Variants in TRIM10 observed in about 807,000 individuals in gnomAD.
TRIM10 encodes tripartite motif containing 10, also known as tripartite motif-containing protein 10.
Under a neutral mutation model 40.0 loss-of-function variants are expected in TRIM10, and 42 were observed. The observed-to-expected ratio is 1.05, with a 90% CI of 0.82 to 1.36. The LOEUF is 1.36. TRIM10 is among the 40% of genes most tolerant of loss of function. The pLI is 0.00. For missense variants in TRIM10, 601 were observed against 608.3 expected, an observed-to-expected ratio of 0.99 and a Z score of 0.13; for synonymous variants, 260 against 239.5, an observed-to-expected ratio of 1.09 and a Z score of -0.79.
rs111803166 is a variant in TRIM10 at position 30,158,448 on chromosome 6, A to G, written c.707T>C (p.Ile236Thr). Residue 236 changes from isoleucine to threonine, a missense_variant, in exon 3 of 7, where the codon ATT becomes ACT. By Grantham distance (89) the Ile-to-Thr change is moderately conservative. Transcript: ENST00000449742. ...CTCATTCTTCTCCTCCAGTTCTTCA[A>G]TAAGAGCACTAAACCGGCAGATCTC... ...AGEICRFSAL[I>T]EELEEKNERP... 19,686 of 1,613,064 alleles carry G rather than the reference A, an allele frequency of 0.012. 207 individuals carry two copies. The highest frequency in any genetic ancestry group is 0.03 in the Middle Eastern group (180 of 6,062).
upstream of TRIM10, chr6:30,163,575 CCTTGCAGCCGTT>C: frequency 2.3e-5 from 25 of 1,097,156 alleles, no homozygotes; most frequent in East Asian, 3.5e-5. Flanking sequence ...TGTCTCTTAG[CCTTGCAGCCGTT>C]TCCCTCTGCG....
At position 30,153,462 on chromosome 6, in the gene TRIM10, C is replaced by A. The variant is rs553833476; in HGVS notation, c.*507G>T. 7.2e-6 allele frequency: 4 copies of A among 556,466 alleles called. No individual in the cohort carries two copies. In the Admixed American group the frequency reaches 1.2e-4, roughly 17 times the overall value. 34.5% of individuals were successfully genotyped at this position (556,466 alleles called of 1,614,324 possible). ...CCCAAGAGCTCTTTCAGATATAGAG[C>A]AGGTTTTTTTTTTCTCTATATTTTC... On this transcript the variant is annotated 3_prime_UTR_variant, in exon 7 of 7. Coordinates refer to ENST00000449742, the MANE Select transcript of TRIM10 (RefSeq NM_006778.4).
At chr6:30,157,454 C>G in intron 3 of TRIM10, 63 bp from the exon 4 acceptor site, 1 of 1,460,392 alleles carries the variant, frequency 6.8e-7, no homozygotes, top group African/African-American at 1.4e-5. Flanking sequence ...TCTTTCCTTT[C>G]TTTTTCTACT....
chr6:30,160,643 G>A lies in TRIM10; in HGVS notation c.216C>T (p.Asn72=). 1 of 1,614,276 alleles carries A rather than the reference G, an allele frequency of 6.2e-7. No homozygotes were observed. Among genetic ancestry groups the A allele is most frequent in the Non-Finnish European group, 8.5e-7 (1 of 1,180,040 alleles). Reference sequence around the variant, plus strand: ...TCTCCACCACGTTAGCCAGCTGCCAGTTGGGCCGGAAGCTCCCAGGACGGA... The same window carrying A: ...TCTCCACCACGTTAGCCAGCTGCCAATTGGGCCGGAAGCTCCCAGGACGGA... The part of the protein sequence containing the change: ...EPFRPGSFRP[N]WQLANVVENI... The change falls in exon 1 of 7, where the codon AAC becomes AAT. Residue 72 remains asparagine, a synonymous_variant. Transcript: ENST00000449742.
chr6:30,163,818 A>C (rs1356467082), upstream of TRIM10: 2 of 1,613,034 alleles, frequency 1.2e-6, no homozygotes, highest in South Asian at 2.2e-5. Context: ...GCGCTCTCCC[A>C]GATGGGGGCC....
chr6:30,159,112 AGGAAGGGGAGGAACCTGG>A lies in TRIM10; in HGVS notation c.525+20_525+37del. On this transcript the variant is annotated intron_variant, in intron 2 of 6. Coordinates refer to ENST00000449742, the MANE Select transcript of TRIM10 (RefSeq NM_006778.4). ...AGTTTCAGGAAGACACTGGACCCTGAGGAAGGGGAGGAACCTGGGGAAGGGGTGATGACTTACCAGGAG... is the reference window on the plus strand; with the variant it reads ...AGTTTCAGGAAGACACTGGACCCTGAGGAAGGGGTGATGACTTACCAGGAG... 1 of 1,398,388 alleles carries A rather than the reference AGGAAGGGGAGGAACCTGG, an allele frequency of 7.2e-7. No individual in the cohort carries two copies. Among genetic ancestry groups the A allele is most frequent in the Non-Finnish European group, 1.0e-6 (1 of 984,616 alleles). The allele number at this position is 1,398,388 out of a possible 1,614,324, so 86.6% of individuals were successfully genotyped here. A position where few individuals can be genotyped will look rare whatever the true frequency, so the allele number is the denominator to read the frequency against.
At chr6:30,155,917 A>T (rs1397428754) in intron 5 of TRIM10, among the ~76,000 whole-genome samples, 158 bp from the exon 6 acceptor site, 1 of 152,232 alleles carries the variant, frequency 6.6e-6, no homozygotes, top group East Asian at 1.9e-4. Flanking sequence ...CATCAGAATC[A>T]TCTGGAGCTC....
At chr6:30,157,490 T>C in intron 3 of TRIM10, 99 bp from the exon 4 acceptor site, 2 of 1,279,540 alleles carry the variant, frequency 1.6e-6, no homozygotes, top group Non-Finnish European at 2.2e-6. Flanking sequence ...TTTTATTTGC[T>C]TGTTTGTTTG....
At position 30,153,493 on chromosome 6, in the gene TRIM10, A is replaced by C; in HGVS notation, c.*476T>G. 1 of 576,540 alleles carries C rather than the reference A, an allele frequency of 1.7e-6. No individual in the cohort carries two copies. Among genetic ancestry groups the C allele is most frequent in the Non-Finnish European group, 3.1e-6 (1 of 325,348 alleles). 35.7% of individuals were successfully genotyped at this position (576,540 alleles called of 1,614,324 possible). ...TTTTTTTTCTCTATATTTTCAAGTC[A>C]CCAGTGGCCACCACACTGCTTGGTT... On this transcript the variant is annotated 3_prime_UTR_variant, in exon 7 of 7. Coordinates refer to ENST00000449742, the MANE Select transcript of TRIM10 (RefSeq NM_006778.4).
At chr6:30,156,709 T>G in intron 5 of TRIM10, 1 of 640,948 alleles carries the variant, frequency 1.6e-6, no homozygotes, top group South Asian at 1.7e-5. Context: ...TTGAATTATT[T>G]TAAAATCAGT....
At position 30,153,066 on chromosome 6, in the gene TRIM10, T is replaced by G. The variant is rs1772161129; in HGVS notation, c.*903A>C. 1 of 153,088 alleles carries G rather than the reference T, an allele frequency of 6.5e-6. No individual in the cohort carries two copies. Among genetic ancestry groups the G allele is most frequent in the Non-Finnish European group, 1.5e-5 (1 of 68,678 alleles). The allele number at this position is 153,088 out of a possible 1,614,324, so 9.5% of individuals were successfully genotyped here. A position where few individuals can be genotyped will look rare whatever the true frequency, so the allele number is the denominator to read the frequency against. On this transcript the variant is annotated 3_prime_UTR_variant, in exon 7 of 7. Coordinates refer to ENST00000449742, the MANE Select transcript of TRIM10 (RefSeq NM_006778.4). ...TTTATGGCTATACCTTATGTCCTCC[T>G]GCCCCCAGGCCCTGCACCTTAATCT...
intron 6 of TRIM10, among the ~76,000 whole-genome samples, chr6:30,155,153 A>G (rs1347791657): frequency 6.6e-6 from 1 of 151,978 alleles, no homozygotes; most frequent in East Asian, 1.9e-4. Flanking sequence ...GGGTTAGAGA[A>G]CCCCCTCCAA....
intron 4 of TRIM10, 85 bp from the exon 5 acceptor site, chr6:30,157,139 T>C: frequency 7.4e-7 from 1 of 1,359,988 alleles, no homozygotes; most frequent in Non-Finnish European, 1.0e-6. Flanking sequence ...TAATAGGGCA[T>C]GATGGCGCTA....
chr6:30,163,731 G>A (rs1474075497), upstream of TRIM10: 3 of 1,612,870 alleles, frequency 1.9e-6, no homozygotes, highest in South Asian at 1.1e-5. Flanking sequence ...CTGCCTGCCT[G>A]TACCCTCTGT....
At chr6:30,159,529 C>G (rs2127445282) in intron 1 of TRIM10, among the ~76,000 whole-genome samples, 1 of 152,258 alleles carries the variant, frequency 6.6e-6, no homozygotes, top group Non-Finnish European at 1.5e-5. Context: ...GTTTAACATT[C>G]TATTGTGTTT....
chr6:30,162,110 C>T (rs1330438690), upstream of TRIM10, among the ~76,000 whole-genome samples: 26 of 151,850 alleles, frequency 1.7e-4, no homozygotes. Flanking sequence ...CCCGTCTCTA[C>T]TAAAAATACA....
Position 30,157,146 on chromosome 6 carries a change from G to A in TRIM10, c.780-92C>T, listed in dbSNP as rs915296971. ...TCATCTTCTAATAGGGCATGATGGC[G>A]CTAGTTCCTGCAGGCAGACGTACTT... On this transcript the variant is annotated intron_variant, in intron 4 of 6. Coordinates refer to ENST00000449742, the MANE Select transcript of TRIM10 (RefSeq NM_006778.4). The A allele has an allele frequency of 6.9e-6, 9 of 1,299,578 alleles. No homozygotes were observed. In the African/African-American group the frequency reaches 7.3e-5, roughly 11 times the overall value. The allele number at this position is 1,299,578 out of a possible 1,614,324, so 80.5% of individuals were successfully genotyped here. A position where few individuals can be genotyped will look rare whatever the true frequency, so the allele number is the denominator to read the frequency against.
At position 30,160,806 on chromosome 6, in the gene TRIM10, A is replaced by G; in HGVS notation, c.53T>C (p.Ile18Thr). 6.2e-7 allele frequency: 1 copy of G among 1,613,820 alleles called. No homozygotes were observed. The highest frequency in any genetic ancestry group is 8.5e-7 in the Non-Finnish European group (1 of 1,180,008). Reference protein sequence around the residue: ...TSLADEVNCPICQGTLREPVT... With the variant: ...TSLADEVNCPTCQGTLREPVT... ...CGGCTCCCTCAGGGTACCCTGACAG[A>G]TGGGGCAGTTGACTTCATCTGCCAG... Residue 18 changes from isoleucine (I) to threonine (T), a missense_variant, in exon 1 of 7, where the codon ATC (isoleucine) becomes ACC (threonine). Ile to Thr is a moderately conservative substitution (Grantham distance 89). Coordinates refer to ENST00000449742, the MANE Select transcript of TRIM10 (RefSeq NM_006778.4).
chr6:30,152,883 G>A lies in TRIM10; in HGVS notation c.*1086C>T, dbSNP rs1305980596. On this transcript the variant is annotated 3_prime_UTR_variant, in exon 7 of 7. Coordinates refer to ENST00000449742, the MANE Select transcript of TRIM10 (RefSeq NM_006778.4). ...CATAGGTCATCCAACTTATGCCCTG[G>A]CCTCCTTCTGGAATTCTTTTACCTA... 6.6e-6 allele frequency: 1 copy of A among 152,092 alleles called. No homozygotes were observed. The highest frequency in any genetic ancestry group is 6.5e-5 in the Admixed American group (1 of 15,270). The allele number at this position is 152,092 out of a possible 1,614,324, so 9.4% of individuals were successfully genotyped here.
Sources: allele counts gnomAD v4.1 joint callset (sites outside exome capture counted in the v4.1 genomes callset), GRCh38; gene constraint gnomAD v4.1.1; transcripts MANE v1.5; gene names NCBI Gene and HGNC (gene_info 2026-07-23, HGNC 2026-07-21).